YPEL1: variants seen among roughly 807,000 people sequenced by gnomAD.
The protein encoded by YPEL1 is yippee like 1.
In YPEL1, 7 loss-of-function variants were observed where a neutral mutation model predicts 17.3. The ratio of observed to expected loss-of-function variants is 0.40; its 90% CI spans 0.23 to 0.76. YPEL1 has a LOEUF of 0.76. YPEL1 is among the 30% of genes least tolerant of loss of function. The pLI is 0.35. For missense variants in YPEL1, 91 were observed against 155.5 expected, an observed-to-expected ratio of 0.59 and a Z score of 2.21; for synonymous variants, 59 against 59.6, an observed-to-expected ratio of 0.99 and a Z score of 0.05.
intron 1 of YPEL1, among the ~76,000 whole-genome samples, chr22:21,714,318 C>A (rs2068200726): frequency 6.6e-6 from 1 of 152,230 alleles, no homozygotes; most frequent in African/African-American, 2.4e-5. Context: ...GTGCCCCGGC[C>A]TGAGATGCTG....
At chr22:21,734,201 G>C (rs989731313) in intron 1 of YPEL1, among the ~76,000 whole-genome samples, 1 of 152,346 alleles carries the variant, frequency 6.6e-6, no homozygotes, top group Middle Eastern at 3.4e-3. Context: ...TCCTGAGCAA[G>C]AGTGAGACCC....
intron 2 of YPEL1, among the ~76,000 whole-genome samples, chr22:21,704,568 A>G (rs1281530733): frequency 2.0e-5 from 3 of 151,816 alleles, no homozygotes; most frequent in East Asian, 1.9e-4. Flanking sequence ...AAAATAGGAG[A>G]ATCACTTAAA....
At chr22:21,724,500 G>A (rs1196879933) in intron 1 of YPEL1, among the ~76,000 whole-genome samples, 1 of 152,048 alleles carries the variant, frequency 6.6e-6, no homozygotes, top group African/African-American at 2.4e-5. Context: ...TCGCACCACT[G>A]CACTCCAGCA....
At chr22:21,730,470 G>A (rs762769733) in intron 1 of YPEL1, among the ~76,000 whole-genome samples, 5 of 152,176 alleles carry the variant, frequency 3.3e-5, no homozygotes, top group African/African-American at 4.8e-5. Context: ...TGATCCACCC[G>A]CCTTGGCCTC....
rs924153604 is a variant in YPEL1, at chr22:21,699,789, G to A, written c.*1340C>T. 3 of 152,194 alleles carry A rather than the reference G, an allele frequency of 2.0e-5. No individual in the cohort carries two copies. The highest frequency in any genetic ancestry group is 4.9e-5 in the African/African-American group (2 of 41,232). The allele number at this position is 152,194 out of a possible 1,614,324, so 9.4% of individuals were successfully genotyped here. A position where few individuals can be genotyped will look rare whatever the true frequency, so the allele number is the denominator to read the frequency against. ...AGAAAATGAAATCTGACTTTTCCTC[G>A]GTCCAGTGTGTTACTCTATAGACAT... On this transcript the variant is annotated 3_prime_UTR_variant, in exon 5 of 5. Transcript: ENST00000339468.
rs760235381 is a variant in YPEL1 at position 21,721,339 on chromosome 22, A to C, written c.-164-10431T>G. On this transcript the variant is annotated intron_variant, in intron 1 of 4. Transcript: ENST00000339468. ...TTCACCATGTTAGCCAGGATGGTCTAAATCTCCTGACCTCGTGATCTGCCC... is the reference window on the plus strand; with the variant it reads ...TTCACCATGTTAGCCAGGATGGTCTCAATCTCCTGACCTCGTGATCTGCCC... 8.0e-4 allele frequency among the ~76,000 whole-genome samples: 121 copies of C among 151,658 alleles called. 1 individual carries two copies. The highest frequency in any genetic ancestry group is 1.4e-3 in the Non-Finnish European group (97 of 67,912).
Position 21,715,191 on chromosome 22 carries a change from A to C in YPEL1, c.-164-4283T>G, listed in dbSNP as rs183604041. Among the ~76,000 whole-genome samples, 12 of 152,282 alleles carry C rather than the reference A, an allele frequency of 7.9e-5. No homozygotes were observed. In the East Asian group the frequency reaches 2.3e-3, roughly 29 times the overall value. ...TCAAGTTCTCTAAAAGAAAAAGTGTAACTAGACAAAAAAACTATTAAGGCT... is the reference window on the plus strand; with the variant it reads ...TCAAGTTCTCTAAAAGAAAAAGTGTCACTAGACAAAAAAACTATTAAGGCT... On this transcript the variant is annotated intron_variant, in intron 1 of 4. Coordinates refer to ENST00000339468, the MANE Select transcript of YPEL1 (RefSeq NM_013313.5).
Position 21,719,350 on chromosome 22 carries a change from T to C in YPEL1, c.-164-8442A>G, listed in dbSNP as rs560220830. Among the ~76,000 whole-genome samples the C allele has an allele frequency of 1.2e-3, 176 of 152,370 alleles. 1 individual carries two copies. The highest frequency in any genetic ancestry group is 6.0e-3 in the South Asian group (29 of 4,834). ...AACTCATGTTCAATCTCTGTGATATTTTCAACTAAGTTTCTTGTTACTAAA... is the reference window on the plus strand; with the variant it reads ...AACTCATGTTCAATCTCTGTGATATCTTCAACTAAGTTTCTTGTTACTAAA... On this transcript the variant is annotated intron_variant, in intron 1 of 4. Transcript: ENST00000339468.
At chr22:21,727,763 C>T (rs1601642889) in intron 1 of YPEL1, among the ~76,000 whole-genome samples, 1 of 152,212 alleles carries the variant, frequency 6.6e-6, no homozygotes, top group South Asian at 2.1e-4. Flanking sequence ...ACTGGGTCGT[C>T]GCCCCATCCC....
intron 1 of YPEL1, among the ~76,000 whole-genome samples, chr22:21,735,374 G>A (rs1375920760): frequency 3.3e-5 from 5 of 152,132 alleles, no homozygotes; most frequent in African/African-American, 1.2e-4. Context: ...GGGAGGTGGA[G>A]AGAAGAAACG....
At chr22:21,702,337 C>G (rs991946631) in intron 4 of YPEL1, among the ~76,000 whole-genome samples, 4 of 152,144 alleles carry the variant, frequency 2.6e-5, no homozygotes, top group Non-Finnish European at 5.9e-5. Flanking sequence ...AGGGGAAGGG[C>G]TAGGGATGCG....
rs2068086417 is a variant in YPEL1, at chr22:21,703,611, G to A, written c.162-133C>T. On this transcript the variant is annotated intron_variant, in intron 3 of 4. Coordinates refer to ENST00000339468, the MANE Select transcript of YPEL1 (RefSeq NM_013313.5). This position sits in a 1 kb window ranked among gnomAD's most constrained non-coding sequence, Gnocchi z 6.1. Reference sequence around the variant, plus strand: ...GGAAACTCCCAGAGAGCAGTGCCGTGCCTCTCCCCCAGCCCTGCCCGCCAC... The same window carrying A: ...GGAAACTCCCAGAGAGCAGTGCCGTACCTCTCCCCCAGCCCTGCCCGCCAC... 1.1e-6 allele frequency: 1 copy of A among 880,268 alleles called. No homozygotes were observed. The highest frequency in any genetic ancestry group is 2.6e-5 in the East Asian group (1 of 38,038). The allele number at this position is 880,268 out of a possible 1,614,324, so 54.5% of individuals were successfully genotyped here.
intron 2 of YPEL1, among the ~76,000 whole-genome samples, chr22:21,705,891 G>C (rs980336655): frequency 2.0e-5 from 3 of 151,422 alleles, no homozygotes; most frequent in Non-Finnish European, 2.9e-5. Context: ...GCACTTTGGG[G>C]GGCCGAGGTG....
intron 1 of YPEL1, among the ~76,000 whole-genome samples, chr22:21,729,894 T>G (rs2148615455): frequency 6.6e-6 from 1 of 152,252 alleles, no homozygotes; most frequent in East Asian, 1.9e-4. Context: ...ACATCTGTAA[T>G]CCCAGCACTT....
At chr22:21,721,466 C>T (rs2068282999) in intron 1 of YPEL1, among the ~76,000 whole-genome samples, 1 of 150,632 alleles carries the variant, frequency 6.6e-6, no homozygotes, top group South Asian at 2.1e-4. Context: ...TTCTGTCACT[C>T]AGGCTGGAGT....
At chr22:21,713,431 G>C (rs1415224370) in intron 1 of YPEL1, among the ~76,000 whole-genome samples, 1 of 152,200 alleles carries the variant, frequency 6.6e-6, no homozygotes, top group African/African-American at 2.4e-5. Context: ...ATGTTATCCA[G>C]CCTTTAACAG....
intron 1 of YPEL1, among the ~76,000 whole-genome samples, chr22:21,712,381 A>C (rs2068176115): frequency 6.6e-6 from 1 of 150,764 alleles, no homozygotes; most frequent in African/African-American, 2.4e-5. Flanking sequence ...AAAAAAAAAA[A>C]AAAACAACTA....
At chr22:21,710,341 T>A in intron 2 of YPEL1, 2 of 479,082 alleles carry the variant, frequency 4.2e-6, no homozygotes, top group South Asian at 5.4e-5. Context: ...CCTCTCTGGC[T>A]TTCTGCTGTG....
chr22:21,724,580 T>C (rs1340032203), intron 1 of YPEL1, among the ~76,000 whole-genome samples: 1 of 151,702 alleles, frequency 6.6e-6, no homozygotes, highest in Non-Finnish European at 1.5e-5. Context: ...TTCTTTTTTT[T>C]TTTTTTTGTT....
Sources: gnomAD v4.1 joint callset for allele counts (sites outside exome capture counted in the v4.1 genomes callset) on GRCh38, gnomAD v4.1.1 for gene constraint, Gnocchi (gnomAD v3.1) non-coding constraint, MANE v1.5 for transcripts, NCBI Gene and HGNC (gene_info 2026-07-23, HGNC 2026-07-21) for gene names.